The following SULT1C2 variants were observed in gnomAD, a reference collection of about 807,000 sequenced individuals.
SULT1C2 encodes sulfotransferase 1C2.
Under a neutral mutation model 36.0 loss-of-function variants are expected in SULT1C2, and 27 were observed. The observed-to-expected ratio is 0.75, with a 90% CI of 0.55 to 1.03. The LOEUF (loss-of-function observed/expected upper bound fraction) is 1.03. Among genes scored for constraint, SULT1C2 ranks in the 50% least tolerant of loss-of-function variants. The pLI, the probability that SULT1C2 is intolerant of heterozygous loss-of-function variation, is 0.00. For synonymous variants in SULT1C2, 121 were observed against 116.0 expected (o/e 1.04, Z -0.27); for missense variants, 395 against 359.2 (o/e 1.10, Z -0.80).
At chr2:108,305,129 G>A (rs1312618409) in intron 5 of SULT1C2, 43 bp from the exon 6 acceptor site, 1 of 1,608,524 alleles carries the variant, frequency 6.2e-7, no homozygotes, top group Non-Finnish European at 8.5e-7. Context: ...AAGGTTTTGT[G>A]TGATGCCTAT....
At chr2:108,305,880 G>T (rs900345622) in intron 7 of SULT1C2, among the ~76,000 whole-genome samples, 1 of 152,196 alleles carries the variant, frequency 6.6e-6, no homozygotes, top group African/African-American at 2.4e-5. Context: ...CAATCACATA[G>T]AAAACTAGGA....
At chr2:108,292,215 CG>C (rs1676609488) in intron 1 of SULT1C2, among the ~76,000 whole-genome samples, 1 of 152,172 alleles carries the variant, frequency 6.6e-6, no homozygotes, top group Non-Finnish European at 1.5e-5. Flanking sequence ...CTCAGCCCAG[CG>C]TTGGCAAATT....
chr2:108,296,843 C>T (rs1026519849), intron 3 of SULT1C2, among the ~76,000 whole-genome samples: 1 of 152,176 alleles, frequency 6.6e-6, no homozygotes, highest in African/African-American at 2.4e-5. Flanking sequence ...TCATGGCTGT[C>T]GGCCAAAGGT....
intron 1 of SULT1C2, among the ~76,000 whole-genome samples, chr2:108,290,322 G>T (rs1020542820): frequency 6.6e-6 from 1 of 152,104 alleles, no homozygotes; most frequent in Non-Finnish European, 1.5e-5. Context: ...TACCAGATTG[G>T]AATAGGTCTC....
intron 3 of SULT1C2, among the ~76,000 whole-genome samples, chr2:108,295,555 C>T (rs2104414676): frequency 6.6e-6 from 1 of 150,774 alleles, no homozygotes; most frequent in Middle Eastern, 3.4e-3. Context: ...ATCCTGACTC[C>T]GTCACTCACC....
intron 4 of SULT1C2, chr2:108,301,610 AGAT>A (rs1676876957): frequency 6.6e-6 from 1 of 152,410 alleles, no homozygotes; most frequent in Admixed American, 6.5e-5. Context: ...AAGGGTAAAC[AGAT>A]GAATCAGGCA....
intron 1 of SULT1C2, among the ~76,000 whole-genome samples, chr2:108,293,110 C>G (rs940354354): frequency 7.5e-6 from 1 of 133,456 alleles, no homozygotes; most frequent in African/African-American, 2.9e-5. Flanking sequence ...ACCCTGGAGG[C>G]AGAGGTTGCA....
intron 7 of SULT1C2, among the ~76,000 whole-genome samples, chr2:108,307,946 C>T (rs528215282): frequency 1.1e-3 from 169 of 152,314 alleles, no homozygotes; most frequent in Non-Finnish European, 1.7e-3. Context: ...CTGGACTTCA[C>T]GTAAATGGAA....
chr2:108,289,102 C>G (rs1676530412), intron 1 of SULT1C2, 32 bp downstream of exon 1: 1 of 152,620 alleles, frequency 6.6e-6, no homozygotes, highest in African/African-American at 2.4e-5. Context: ...AATTCTGTAC[C>G]TAACTCGTTA....
chr2:108,290,157 T>C (rs1036297335), intron 1 of SULT1C2, among the ~76,000 whole-genome samples: 5 of 152,144 alleles, frequency 3.3e-5, no homozygotes, highest in African/African-American at 1.2e-4. Context: ...GGAAGTCCCA[T>C]AAATACATCA....
chr2:108,304,473 C>A, intron 4 of SULT1C2, 101 bp from the exon 5 acceptor site: 1 of 1,388,982 alleles, frequency 7.2e-7, no homozygotes, highest in African/African-American at 1.4e-5. Context: ...CAGAACTGAG[C>A]CAGAGTGCAC....
At chr2:108,303,231 G>A (rs934696394) in intron 4 of SULT1C2, 2 of 152,376 alleles carry the variant, frequency 1.3e-5, no homozygotes, top group African/African-American at 4.8e-5. Context: ...GGCATGGCAA[G>A]ACATGCAGGT....
chr2:108,297,885 G>T (rs1191927062), intron 3 of SULT1C2, among the ~76,000 whole-genome samples: 1 of 152,174 alleles, frequency 6.6e-6, no homozygotes. Flanking sequence ...GTAGGAGTGG[G>T]CCTTCTTATT....
intron 1 of SULT1C2, among the ~76,000 whole-genome samples, chr2:108,291,230 G>A (rs1676582346): frequency 6.6e-6 from 1 of 152,218 alleles, no homozygotes. Flanking sequence ...TCAATGGCAA[G>A]TTGAGTCATT....
In SULT1C2 at chr2:108,309,478, A is replaced by C. The variant is rs1471576446; in HGVS notation, c.*1014A>C. On this transcript the variant is annotated 3_prime_UTR_variant, in exon 8 of 8. Coordinates refer to ENST00000251481, the MANE Select transcript of SULT1C2 (RefSeq NM_001056.4). ...GGATAAATGACTGCAGCAAATCACA[A>C]ATTTTGAACTTTGACCCTTTTCTTT... The C allele has an allele frequency of 6.6e-6, 1 of 152,172 alleles. No homozygotes were observed. The highest frequency in any genetic ancestry group is 1.5e-5 in the Non-Finnish European group (1 of 68,048). The allele number at this position is 152,172 out of a possible 1,614,324, so 9.4% of individuals were successfully genotyped here.
Position 108,294,313 on chromosome 2 carries a change from G to A in SULT1C2, c.236G>A (p.Arg79His), listed in dbSNP as rs369803535. 3.3e-5 allele frequency: 53 copies of A among 1,613,782 alleles called. No homozygotes were observed. Among genetic ancestry groups the A allele is most frequent in the East Asian group, 6.7e-5 (3 of 44,874 alleles). ...EKCQRAIIQH[R>H]HPFIEWARPP... Reference sequence around the variant, plus strand: ...TGCCAGCGAGCCATCATCCAACACCGCCATCCTTTCATTGAGTGGGCTCGG... The same window carrying A: ...TGCCAGCGAGCCATCATCCAACACCACCATCCTTTCATTGAGTGGGCTCGG... Residue 79 changes from arginine to histidine, a missense_variant, in exon 3 of 8, where the codon CGC becomes CAC. Physicochemically the swap from Arg to His is conservative, Grantham distance 29 (BLOSUM62 0). Coordinates refer to ENST00000251481, the MANE Select transcript of SULT1C2 (RefSeq NM_001056.4).
At chr2:108,293,539 C>A in intron 1 of SULT1C2, 108 bp from the exon 2 acceptor site, 2 of 1,035,342 alleles carry the variant, frequency 1.9e-6, no homozygotes, top group Non-Finnish European at 2.6e-6. Flanking sequence ...TGTGAATGTA[C>A]TTAATGCCTC....
chr2:108,293,364 T>A (rs1676643553), intron 1 of SULT1C2, among the ~76,000 whole-genome samples: 1 of 152,078 alleles, frequency 6.6e-6, no homozygotes. Flanking sequence ...GTTATGTGAT[T>A]CCACCTAAAT....
intron 3 of SULT1C2, among the ~76,000 whole-genome samples, chr2:108,296,403 G>A (rs1395349932): frequency 7.0e-6 from 1 of 142,930 alleles, no homozygotes; most frequent in African/African-American, 2.5e-5. Context: ...GATCTGCCCA[G>A]CCACAGACAG....
Sources: gnomAD v4.1 joint callset for allele counts (sites outside exome capture counted in the v4.1 genomes callset) on GRCh38, gnomAD v4.1.1 for gene constraint, MANE v1.5 for transcripts, NCBI Gene and HGNC (gene_info 2026-07-23, HGNC 2026-07-21) for gene names.